PKHD1L1: variants seen among roughly 807,000 people sequenced by gnomAD.
PKHD1L1 encodes PKHD1 like 1.
PKHD1L1 carries 434 observed loss-of-function variants against 462.9 expected under a neutral mutation model. That is an observed-to-expected ratio of 0.94 (90% CI 0.87 to 1.02). The LOEUF is 1.02. PKHD1L1 is among the 50% of genes least tolerant of loss of function. PKHD1L1 has a pLI of 0.00. For missense variants in PKHD1L1, 5,202 were observed against 5,096.1 expected, an observed-to-expected ratio of 1.02 and a Z score of -0.63; for synonymous variants, 1,781 against 1,750.0, an observed-to-expected ratio of 1.02 and a Z score of -0.44.
In PKHD1L1 at chr8:109,493,715, A is replaced by C; in HGVS notation, c.10291A>C (p.Arg3431=). ...GAATAATGTAGTGGCTGGATTTGGA[A>C]GAGCAGGATACCGCATTGATGGTGA... ...LQNNVVAGFG[R]AGYRIDGEPC... Residue 3431 remains arginine, a synonymous_variant, in exon 63 of 78, where the codon AGA becomes CGA. Transcript: ENST00000378402. 2 of 1,610,344 alleles carry C rather than the reference A, an allele frequency of 1.2e-6. No homozygotes were observed. The highest frequency in any genetic ancestry group is 2.2e-5 in the South Asian group (2 of 90,650).
At chr8:109,461,535 T>C (rs1193722143) in intron 47 of PKHD1L1, among the ~76,000 whole-genome samples, 5 of 152,196 alleles carry the variant, frequency 3.3e-5, no homozygotes, top group Non-Finnish European at 7.3e-5. Flanking sequence ...AATATTTGTT[T>C]AGTATCTTCT....
chr8:109,376,148 C>T (rs1453430934), intron 2 of PKHD1L1, among the ~76,000 whole-genome samples: 1 of 152,242 alleles, frequency 6.6e-6, no homozygotes, highest in Admixed American at 6.5e-5. Flanking sequence ...GTGGGCTCCA[C>T]CCAGTTCGAG....
At chr8:109,500,995 A>T (rs1037944615) in intron 67 of PKHD1L1, among the ~76,000 whole-genome samples, 1 of 152,182 alleles carries the variant, frequency 6.6e-6, no homozygotes, top group Non-Finnish European at 1.5e-5. Flanking sequence ...CTCCAGACTC[A>T]TAGAACCTAA....
At chr8:109,396,386 G>T (rs1812977166) in intron 11 of PKHD1L1, among the ~76,000 whole-genome samples, 4 of 152,154 alleles carry the variant, frequency 2.6e-5, no homozygotes, top group Non-Finnish European at 2.9e-5. Context: ...GCTTTGTGTA[G>T]CAGCATTGTA....
Position 109,477,257 on chromosome 8 carries a change from C to T in PKHD1L1, c.8950C>T (p.Leu2984Phe). 1 of 1,613,378 alleles carries T rather than the reference C, an allele frequency of 6.2e-7. No individual in the cohort carries two copies. Among genetic ancestry groups the T allele is most frequent in the South Asian group, 1.1e-5 (1 of 91,034 alleles). The change falls in exon 53 of 78, where the codon CTC becomes TTC. Residue 2984 changes from leucine (L) to phenylalanine (F), a missense_variant. Physicochemically the swap from Leu to Phe is conservative, Grantham distance 22 (BLOSUM62 0). Coordinates refer to ENST00000378402, the MANE Select transcript of PKHD1L1 (RefSeq NM_177531.6). ...AAGAAATGACCTTCATCAGAGTCAGCTCATTTCTGGGAACCTGGATCCTGA... is the reference window on the plus strand; with the variant it reads ...AAGAAATGACCTTCATCAGAGTCAGTTCATTTCTGGGAACCTGGATCCTGA... ...SGRNDLHQSQ[L>F]ISGNLDPDVK...
intron 4 of PKHD1L1, 35 bp downstream of exon 4, chr8:109,382,606 T>G (rs1812184023): frequency 6.5e-7 from 1 of 1,532,794 alleles, no homozygotes; most frequent in South Asian, 1.2e-5. Context: ...TTATGTATAG[T>G]TGATCTTGCT....
chr8:109,363,338 C>A (rs971878043), intron 1 of PKHD1L1, among the ~76,000 whole-genome samples: 1 of 152,122 alleles, frequency 6.6e-6, no homozygotes, highest in Non-Finnish European at 1.5e-5. Context: ...GAGCTCTTGG[C>A]AAAGACAGAC....
chr8:109,448,331 G>A lies in PKHD1L1; in HGVS notation c.5965G>A (p.Ala1989Thr). Residue 1989 changes from alanine to threonine, a missense_variant, in exon 39 of 78, where the codon GCC becomes ACC. By Grantham distance (58) the Ala-to-Thr change is moderately conservative (BLOSUM62 0). Coordinates refer to ENST00000378402, the MANE Select transcript of PKHD1L1 (RefSeq NM_177531.6). Reference protein sequence around the residue: ...VMMHHKTKGSAMSTVVFEYPL... With the variant: ...VMMHHKTKGSTMSTVVFEYPL... The stretch of plus-strand genomic sequence containing the variant: ...GATGCATCATAAGACAAAAGGCTCA[G>A]CCATGTCCACAGTTGTATTTGAGTA... 6.2e-7 allele frequency: 1 copy of A among 1,613,560 alleles called. No individual in the cohort carries two copies. Among genetic ancestry groups the A allele is most frequent in the African/African-American group, 1.3e-5 (1 of 74,994 alleles).
intron 11 of PKHD1L1, among the ~76,000 whole-genome samples, chr8:109,398,214 G>C (rs1056797426): frequency 6.6e-6 from 1 of 151,938 alleles, no homozygotes; most frequent in African/African-American, 2.4e-5. Context: ...TTTTATCTCA[G>C]AAATTATGAA....
intron 21 of PKHD1L1, among the ~76,000 whole-genome samples, chr8:109,417,123 A>T (rs1424098221): frequency 6.6e-6 from 1 of 152,188 alleles, no homozygotes; most frequent in African/African-American, 2.4e-5. Context: ...AATGAATAAG[A>T]CCTAGTATTT....
At chr8:109,409,795 C>T in intron 18 of PKHD1L1, 70 bp from the exon 19 acceptor site, 1 of 685,074 alleles carries the variant, frequency 1.5e-6, no homozygotes, top group Non-Finnish European at 2.3e-6. Context: ...TTAGTAGAAT[C>T]AGTAGTAGGA....
intron 30 of PKHD1L1, among the ~76,000 whole-genome samples, chr8:109,438,007 A>G (rs1815534523): frequency 6.6e-6 from 1 of 152,112 alleles, no homozygotes; most frequent in African/African-American, 2.4e-5. Flanking sequence ...TTTAGTATCT[A>G]ATGCTTTATC....
chr8:109,429,290 C>T (rs1037472936), intron 25 of PKHD1L1, 50 bp from the exon 26 acceptor site: 6 of 1,377,266 alleles, frequency 4.4e-6, no homozygotes, highest in Non-Finnish European at 3.9e-6. Context: ...AAACTAGTGT[C>T]GTCATATTTG....
Position 109,530,062 on chromosome 8 carries a change from A to G in PKHD1L1, c.12722-18A>G, listed in dbSNP as rs1586675650. ...TATTTCTACTTAAAAATTGTTTTGT[A>G]TTGTTTCCATTTTTCAGGAAGCTAC... On this transcript the variant is annotated intron_variant, in intron 77 of 77. Coordinates refer to ENST00000378402, the MANE Select transcript of PKHD1L1 (RefSeq NM_177531.6). The G allele has an allele frequency of 7.5e-7, 1 of 1,329,344 alleles. No individual in the cohort carries two copies. Among genetic ancestry groups the G allele is most frequent in the Non-Finnish European group, 9.9e-7 (1 of 1,010,382 alleles). 82.3% of individuals were successfully genotyped at this position (1,329,344 alleles called of 1,614,324 possible).
intron 38 of PKHD1L1, among the ~76,000 whole-genome samples, chr8:109,446,294 G>A (rs1467074567): frequency 1.3e-5 from 2 of 152,120 alleles, no homozygotes; most frequent in Non-Finnish European, 2.9e-5. Context: ...TTCCGGAGAG[G>A]AAGCTATAGC....
chr8:109,412,600 T>C (rs900670111), intron 20 of PKHD1L1, among the ~76,000 whole-genome samples, 186 bp downstream of exon 20: 5 of 152,072 alleles, frequency 3.3e-5, no homozygotes, highest in African/African-American at 1.2e-4. Flanking sequence ...ATAATAGATA[T>C]ATTCTATATA....
intron 29 of PKHD1L1, 29 bp from the exon 30 acceptor site, chr8:109,436,309 T>C (rs950565394): frequency 3.1e-6 from 5 of 1,594,424 alleles, no homozygotes; most frequent in Non-Finnish European, 4.3e-6. Context: ...ACTGTTTTGT[T>C]GTTGTTTTTG....
At chr8:109,437,925 T>C (rs1233927739) in intron 30 of PKHD1L1, among the ~76,000 whole-genome samples, 1 of 152,150 alleles carries the variant, frequency 6.6e-6, no homozygotes, top group Non-Finnish European at 1.5e-5. Context: ...CTTCAAAAGA[T>C]ATAATGATGT....
rs1162574587 is a variant in PKHD1L1 at position 109,449,345 on chromosome 8, T to C, written c.6033T>C (p.Phe2011=). 1.3e-6 allele frequency: 2 copies of C among 1,572,676 alleles called. No homozygotes were observed. Among genetic ancestry groups the C allele is most frequent in the East Asian group, 2.3e-5 (1 of 43,100 alleles). ...TTTATTTGTCTTCACTAGGGAGCTT[T>C]GGTGGGGGTCAAACCATGACTGTGA... ...IQNINPSQGS[F]GGGQTMTVTG... is the part of the protein sequence containing the mutation. The change falls in exon 40 of 78, where the codon TTT becomes TTC. Residue 2011 remains phenylalanine, a synonymous_variant. Coordinates refer to ENST00000378402, the MANE Select transcript of PKHD1L1 (RefSeq NM_177531.6).
Sources: gnomAD v4.1 joint callset for allele counts (sites outside exome capture counted in the v4.1 genomes callset) on GRCh38, gnomAD v4.1.1 for gene constraint, MANE v1.5 for transcripts, NCBI Gene and HGNC (gene_info 2026-07-23, HGNC 2026-07-21) for gene names.